Variants in NKAIN3 observed in about 807,000 individuals in gnomAD.
NKAIN3 encodes the protein sodium/potassium transporting ATPase interacting 3.
Under a neutral mutation model 30.2 loss-of-function variants are expected in NKAIN3, and 25 were observed. The observed-to-expected ratio is 0.83, with a 90% CI of 0.60 to 1.16. The LOEUF (loss-of-function observed/expected upper bound fraction) is 1.16. NKAIN3 is among the 50% of genes most tolerant of loss of function. The pLI is 0.00. For synonymous variants in NKAIN3, 91 were observed against 89.6 expected, an observed-to-expected ratio of 1.02 and a Z score of -0.09; for missense variants, 225 against 254.1, an observed-to-expected ratio of 0.89 and a Z score of 0.78.
chr8:62,265,442 A>G (rs967832056), intron 1 of NKAIN3, among the ~76,000 whole-genome samples: 3 of 152,216 alleles, frequency 2.0e-5, no homozygotes, highest in Non-Finnish European at 4.4e-5. Context: ...AGATACAGCC[A>G]TTATTGGAGG....
chr8:62,950,583 G>A (rs905597519), intron 5 of NKAIN3, among the ~76,000 whole-genome samples: 7 of 151,910 alleles, frequency 4.6e-5, no homozygotes, highest in African/African-American at 1.5e-4. Context: ...CATCATGCTA[G>A]GTTTCTGATA....
At chr8:62,490,441 A>G (rs151262955) in intron 1 of NKAIN3, among the ~76,000 whole-genome samples, 1 of 152,342 alleles carries the variant, frequency 6.6e-6, no homozygotes, top group East Asian at 1.9e-4. Context: ...ATACAGTAGC[A>G]ATTTACATGG....
chr8:62,484,733 G>A (rs929354277), intron 1 of NKAIN3, among the ~76,000 whole-genome samples: 1 of 152,130 alleles, frequency 6.6e-6, no homozygotes, highest in Non-Finnish European at 1.5e-5. Context: ...GCTCAGATGT[G>A]AACAGAGATC....
intron 1 of NKAIN3, among the ~76,000 whole-genome samples, chr8:62,517,662 G>A (rs1026445644): frequency 2.0e-5 from 3 of 152,068 alleles, no homozygotes; most frequent in Admixed American, 1.3e-4. Flanking sequence ...ACCCCACAAT[G>A]TGTATGATCA....
At chr8:62,603,403 T>C (rs1276117243) in intron 3 of NKAIN3, among the ~76,000 whole-genome samples, 1 of 152,138 alleles carries the variant, frequency 6.6e-6, no homozygotes, top group Non-Finnish European at 1.5e-5. Context: ...TGATGAGTAT[T>C]AAGCTGAAGT....
In NKAIN3 at chr8:62,850,402, G is replaced by A. The variant is rs1318621789; in HGVS notation, c.472-68051G>A. Among the ~76,000 whole-genome samples the A allele has an allele frequency of 2.0e-5, 3 of 151,930 alleles. No homozygotes were observed. The East Asian group carries it at 5.8e-4, about 29-fold the overall frequency. The stretch of plus-strand genomic sequence containing the variant: ...TGCAAAAATTTTCTCCCATTCTGTA[G>A]GCTGCCTGTTCACTCTGATGGTAGT... On this transcript the variant is annotated intron_variant, in intron 4 of 6. Coordinates refer to ENST00000623646, the MANE Select transcript of NKAIN3 (RefSeq NM_001304533.3).
chr8:62,331,857 G>GT (rs760497789), intron 1 of NKAIN3, among the ~76,000 whole-genome samples: 2 of 151,924 alleles, frequency 1.3e-5, no homozygotes, highest in African/African-American at 2.4e-5. Flanking sequence ...TTAAAATTCT[G>GT]TTTTTTTCAT....
chr8:62,878,146 C>G (rs1322133976), intron 4 of NKAIN3, among the ~76,000 whole-genome samples: 2 of 151,198 alleles, frequency 1.3e-5, no homozygotes, highest in Admixed American at 1.3e-4. Context: ...TTCTCATTTT[C>G]TTCAGGTGTT....
intron 4 of NKAIN3, among the ~76,000 whole-genome samples, chr8:62,837,916 A>C (rs1192241573): frequency 6.6e-6 from 1 of 152,048 alleles, no homozygotes; most frequent in Non-Finnish European, 1.5e-5. Context: ...GAGACTTCAA[A>C]TTTACTTGAA....
At chr8:62,894,129 T>C (rs752708565) in intron 4 of NKAIN3, among the ~76,000 whole-genome samples, 16 of 152,184 alleles carry the variant, frequency 1.1e-4, no homozygotes, top group Non-Finnish European at 2.4e-4. Context: ...CAAATCTTAG[T>C]TGATTTCAGT....
chr8:62,598,193 G>A (rs73683336), intron 3 of NKAIN3, among the ~76,000 whole-genome samples: 9,162 of 152,092 alleles, frequency 0.06, 959 homozygotes, highest in African/African-American at 0.21. Context: ...GATTCATTAA[G>A]CAACAGAAAA....
At chr8:62,344,534 A>G (rs1340532000) in intron 1 of NKAIN3, among the ~76,000 whole-genome samples, 1 of 152,114 alleles carries the variant, frequency 6.6e-6, no homozygotes, top group African/African-American at 2.4e-5. Context: ...AGAAAATGGT[A>G]CATTATATTT....
rs764090975 is a variant in NKAIN3, at chr8:62,993,839, C to T, written c.533-5392C>T. On this transcript the variant is annotated intron_variant, in intron 5 of 5. Transcript: ENST00000519049. ...GCAGATAAGGGGGTAGAAGTAACTA[C>T]CTTTTCTCATTGAGATAATTTCTGC... Among the ~76,000 whole-genome samples the T allele has an allele frequency of 9.9e-5, 15 of 152,128 alleles. 1 individual carries two copies. The highest frequency in any genetic ancestry group is 6.6e-4 in the Admixed American group (10 of 15,262).
At chr8:62,601,152 T>C (rs1351844482) in intron 3 of NKAIN3, among the ~76,000 whole-genome samples, 3 of 152,102 alleles carry the variant, frequency 2.0e-5, no homozygotes, top group Non-Finnish European at 1.5e-5. Context: ...GAGTTCTTTT[T>C]CTGATGGTAG....
chr8:62,488,937 A>G (rs1389978925), intron 1 of NKAIN3, among the ~76,000 whole-genome samples: 1 of 152,150 alleles, frequency 6.6e-6, no homozygotes, highest in Admixed American at 6.5e-5. Context: ...ACCTATTCAT[A>G]TTTTATATAT....
At chr8:62,699,923 C>T (rs191677985) in intron 3 of NKAIN3, among the ~76,000 whole-genome samples, 86 of 152,246 alleles carry the variant, frequency 5.6e-4, no homozygotes, top group African/African-American at 1.9e-3. Flanking sequence ...CACTTGAGTT[C>T]AAGACCAGCC....
chr8:62,547,457 G>C (rs926678005), intron 1 of NKAIN3, among the ~76,000 whole-genome samples: 1 of 152,300 alleles, frequency 6.6e-6, no homozygotes, highest in African/African-American at 2.4e-5. Context: ...TAAGTTGACT[G>C]TCAGGGGCTA....
At chr8:62,525,976 T>TC (rs1406089537) in intron 1 of NKAIN3, among the ~76,000 whole-genome samples, 2 of 152,110 alleles carry the variant, frequency 1.3e-5, no homozygotes, top group Non-Finnish European at 2.9e-5. Context: ...AACATCACAT[T>TC]CCCCAGTTTA....
intron 1 of NKAIN3, among the ~76,000 whole-genome samples, chr8:62,561,242 A>T (rs1314049470): frequency 6.6e-6 from 1 of 152,176 alleles, no homozygotes; most frequent in Non-Finnish European, 1.5e-5. Flanking sequence ...TTCCTCAGGT[A>T]GCTGGATGTT....
Sources: gnomAD v4.1 joint callset for allele counts (sites outside exome capture counted in the v4.1 genomes callset) on GRCh38, gnomAD v4.1.1 for gene constraint, MANE v1.5 for transcripts, NCBI Gene and HGNC (gene_info 2026-07-23, HGNC 2026-07-21) for gene names.